Variants in CHAF1B observed in about 807,000 individuals in gnomAD.
CHAF1B encodes CAF-1 subunit B.
A neutral mutation model predicts 60.7 loss-of-function variants in CHAF1B; 10 were observed. The ratio of observed to expected loss-of-function variants is 0.16; its 90% CI spans 0.10 to 0.28. The LOEUF (loss-of-function observed/expected upper bound fraction) is 0.28, where lower values mean the gene tolerates loss of function less well. CHAF1B is among the 10% of genes least tolerant of loss of function. CHAF1B has a pLI of 1.00. For missense variants in CHAF1B, 558 were observed against 708.4 expected (o/e 0.79, Z 2.41); for synonymous variants, 261 against 266.1 (o/e 0.98, Z 0.19).
In CHAF1B at chr21:36,416,547, T is replaced by C. The variant is rs113542793; in HGVS notation, c.*181T>C. ...GAAATATGGATGCTGTTGTATTCAGTATCCATTTTTAACTTGGGACATGAA... is the reference window on the plus strand; with the variant it reads ...GAAATATGGATGCTGTTGTATTCAGCATCCATTTTTAACTTGGGACATGAA... On this transcript the variant is annotated 3_prime_UTR_variant, in exon 14 of 14. Transcript: ENST00000314103. 1 of 480,814 alleles carries C rather than the reference T, an allele frequency of 2.1e-6. No homozygotes were observed. The highest frequency in any genetic ancestry group is 3.7e-6 in the Non-Finnish European group (1 of 268,678). The allele number at this position is 480,814 out of a possible 1,614,324, so 29.8% of individuals were successfully genotyped here. A position where few individuals can be genotyped will look rare whatever the true frequency, so the allele number is the denominator to read the frequency against.
At chr21:36,404,380 T>C (rs992437310) in intron 8 of CHAF1B, among the ~76,000 whole-genome samples, 10 of 151,098 alleles carry the variant, frequency 6.6e-5, no homozygotes, top group Non-Finnish European at 1.5e-4. Context: ...ATTACAGGCT[T>C]GAGCCACCAC....
intron 4 of CHAF1B, among the ~76,000 whole-genome samples, chr21:36,394,288 G>A (rs1232568869): frequency 6.6e-6 from 1 of 152,048 alleles, no homozygotes; most frequent in African/African-American, 2.4e-5. Context: ...TGTTGGCCAG[G>A]ATGGTCTCGA....
At chr21:36,415,070 G>C (rs1427565855) in intron 12 of CHAF1B, among the ~76,000 whole-genome samples, 1 of 152,160 alleles carries the variant, frequency 6.6e-6, no homozygotes, top group African/African-American at 2.4e-5. Flanking sequence ...GACTGGTTAT[G>C]GTTTAAGTTG....
chr21:36,409,493 A>T (rs1270518523), intron 10 of CHAF1B, 28 bp downstream of exon 10: 1 of 1,559,420 alleles, frequency 6.4e-7, no homozygotes, highest in South Asian at 1.1e-5. Flanking sequence ...GGGGTGTGTT[A>T]TGTTTTCTCT....
chr21:36,390,925 G>T (rs947413403), intron 3 of CHAF1B, among the ~76,000 whole-genome samples: 9 of 152,158 alleles, frequency 5.9e-5, no homozygotes, highest in African/African-American at 2.2e-4. Flanking sequence ...CAAAGTGCTG[G>T]CATTACAGGC....
intron 10 of CHAF1B, among the ~76,000 whole-genome samples, chr21:36,410,433 G>T (rs1568819529): frequency 6.6e-6 from 1 of 151,978 alleles, no homozygotes; most frequent in Non-Finnish European, 1.5e-5. Context: ...TAGGTCCTTT[G>T]AAATTAGTTC....
intron 4 of CHAF1B, 80 bp from the exon 5 acceptor site, chr21:36,394,467 C>G: frequency 1.0e-6 from 1 of 992,624 alleles, no homozygotes; most frequent in Non-Finnish European, 1.6e-6. Flanking sequence ...ACCTTGGCCT[C>G]CCAAAGTGCT....
chr21:36,395,039 C>G (rs1406355184), intron 5 of CHAF1B, among the ~76,000 whole-genome samples: 1 of 148,458 alleles, frequency 6.7e-6, no homozygotes, highest in Non-Finnish European at 1.5e-5. Context: ...CCCTAACTTA[C>G]CTTAACTTTA....
chr21:36,386,295 A>G (rs755812719), intron 2 of CHAF1B, 33 bp downstream of exon 2: 4 of 1,609,048 alleles, frequency 2.5e-6, no homozygotes, highest in African/African-American at 1.3e-5. Flanking sequence ...ATCCGGGAAC[A>G]CTGCTTGAAG....
chr21:36,396,954 T>G (rs1468678661), intron 5 of CHAF1B, among the ~76,000 whole-genome samples: 2 of 152,166 alleles, frequency 1.3e-5, no homozygotes, highest in African/African-American at 4.8e-5. Flanking sequence ...TTCCTCCTTA[T>G]CTTCTGTTCT....
rs115050809 is a variant in CHAF1B at position 36,413,066 on chromosome 21, C to A, written c.1244C>A (p.Pro415Gln). Residue 415 changes from proline to glutamine, a missense_variant, in exon 12 of 14, where the codon CCG (proline) becomes CAG (glutamine). Pro to Gln is a moderately conservative substitution (Grantham distance 76). Transcript: ENST00000314103. ...THRGSSPGPR[P>Q]VEGTPASRTQ... ...CGAGGGTCTTCGCCAGGACCCAGACCGGTAGAGGGAACCCCTGCCAGCAGA... is the reference window on the plus strand; with the variant it reads ...CGAGGGTCTTCGCCAGGACCCAGACAGGTAGAGGGAACCCCTGCCAGCAGA... 1 of 1,614,152 alleles carries A rather than the reference C, an allele frequency of 6.2e-7. No individual in the cohort carries two copies. Among genetic ancestry groups the A allele is most frequent in the Non-Finnish European group, 8.5e-7 (1 of 1,180,034 alleles).
intron 7 of CHAF1B, among the ~76,000 whole-genome samples, 176 bp downstream of exon 7, chr21:36,399,781 A>G (rs914450429): frequency 1.3e-5 from 2 of 152,142 alleles, no homozygotes; most frequent in Admixed American, 1.3e-4. Context: ...GCTAGTCTGT[A>G]TGGAAATGGG....
In CHAF1B at chr21:36,409,690, G is replaced by A. The variant is rs568210619; in HGVS notation, c.919+225G>A. Among the ~76,000 whole-genome samples the A allele has an allele frequency of 8.6e-5, 13 of 152,020 alleles. No homozygotes were observed. In the East Asian group the frequency reaches 1.6e-3, roughly 18 times the overall value. On this transcript the variant is annotated intron_variant, in intron 10 of 13. Coordinates refer to ENST00000314103, the MANE Select transcript of CHAF1B (RefSeq NM_005441.3). ...TTTTTGTATTTTTGGTAGCGACAGCGTTTCACCATGTTGCCAAGGCTGGTC... is the reference window on the plus strand; with the variant it reads ...TTTTTGTATTTTTGGTAGCGACAGCATTTCACCATGTTGCCAAGGCTGGTC...
rs566866798 is a variant in CHAF1B, at chr21:36,394,436, C to G, written c.378-111C>G. 4.2e-6 allele frequency: 3 copies of G among 718,262 alleles called. No homozygotes were observed. The East Asian group carries it at 7.8e-5, about 19-fold the overall frequency. 44.5% of individuals were successfully genotyped at this position (718,262 alleles called of 1,614,324 possible). A position where few individuals can be genotyped will look rare whatever the true frequency, so the allele number is the denominator to read the frequency against. On this transcript the variant is annotated intron_variant, in intron 4 of 13. Coordinates refer to ENST00000314103, the MANE Select transcript of CHAF1B (RefSeq NM_005441.3). ...TGTTAGCCAGGCTGGCCTTGAACTCCTGACCACAGGCAGTCTGTCTACCTT... is the reference window on the plus strand; with the variant it reads ...TGTTAGCCAGGCTGGCCTTGAACTCGTGACCACAGGCAGTCTGTCTACCTT...
At chr21:36,392,967 C>G (rs112615523) in intron 4 of CHAF1B, among the ~76,000 whole-genome samples, 19,885 of 152,156 alleles carry the variant, frequency 0.13, 1,732 homozygotes, top group African/African-American at 0.24. Context: ...CCCGGCACCT[C>G]GGGAGGCTGA....
At chr21:36,411,682 C>T in intron 11 of CHAF1B, 78 bp downstream of exon 11, 2 of 1,503,340 alleles carry the variant, frequency 1.3e-6, no homozygotes, top group Non-Finnish European at 1.8e-6. Context: ...GGTTAGGGAG[C>T]ATTTCATTAC....
At chr21:36,386,309 T>A (rs772699844) in intron 2 of CHAF1B, 47 bp downstream of exon 2, 2 of 1,597,664 alleles carry the variant, frequency 1.3e-6, no homozygotes, top group Non-Finnish European at 1.7e-6. Flanking sequence ...CTTGAAGCAA[T>A]AGTTTTCATT....
intron 7 of CHAF1B, among the ~76,000 whole-genome samples, chr21:36,400,883 G>C (rs376443251): frequency 2.6e-5 from 4 of 152,268 alleles, no homozygotes; most frequent in South Asian, 4.2e-4. Flanking sequence ...GCTTCACACG[G>C]GGACATGGTG....
In CHAF1B at chr21:36,413,189, T is replaced by C. The variant is rs764075222; in HGVS notation, c.1367T>C (p.Val456Ala). The C allele has an allele frequency of 7.4e-6, 12 of 1,613,822 alleles. No homozygotes were observed. In the African/African-American group the frequency reaches 1.6e-4, roughly 22 times the overall value. The change falls in exon 12 of 14, where the codon GTC (valine) becomes GCC (alanine). Residue 456 changes from valine to alanine, a missense_variant. Transcript: ENST00000314103. ...IRDPPSITPA[V>A]KSPLPGPSEE... is the part of the protein sequence containing the mutation. ...GACCCTCCCTCCATCACTCCTGCTG[T>C]CAAAAGCCCCTTGCCGGGGCCTTCG...
Sources: allele counts gnomAD v4.1 joint callset (sites outside exome capture counted in the v4.1 genomes callset), GRCh38; gene constraint gnomAD v4.1.1; transcripts MANE v1.5; gene names NCBI Gene and HGNC (gene_info 2026-07-23, HGNC 2026-07-21).